FNBP1: variants seen among roughly 807,000 people sequenced by gnomAD.
The protein encoded by FNBP1 is formin-binding protein 1.
In FNBP1, 26 loss-of-function variants were observed where a neutral mutation model predicts 90.6. That is an observed-to-expected ratio of 0.29 (90% confidence interval 0.21 to 0.40). The LOEUF is 0.40. Among genes scored for constraint, FNBP1 ranks in the 10% least tolerant of loss-of-function variants. The pLI, the probability that FNBP1 is intolerant of heterozygous loss-of-function variation, is 1.00. For missense variants in FNBP1, 635 were observed against 768.0 expected, an observed-to-expected ratio of 0.83 and a Z score of 2.05; for synonymous variants, 260 against 265.2, an observed-to-expected ratio of 0.98 and a Z score of 0.19.
At position 130,025,630 on chromosome 9, in the gene FNBP1, A is replaced by G. The variant is rs944389426; in HGVS notation, c.24+17322T>C. Among the ~76,000 whole-genome samples, 4 of 152,232 alleles carry G rather than the reference A, an allele frequency of 2.6e-5. No homozygotes were observed. In the South Asian group the frequency reaches 8.3e-4, roughly 31 times the overall value. ...ATTCAGTCTCGACATGGAATTCAAG[A>G]TATCAATGGAAGGCCGGGCGCAGTG... On this transcript the variant is annotated intron_variant, in intron 1 of 16. Coordinates refer to ENST00000446176, the MANE Select transcript of FNBP1 (RefSeq NM_015033.3).
intron 12 of FNBP1, among the ~76,000 whole-genome samples, chr9:129,903,986 G>A (rs562297919): frequency 4.7e-4 from 71 of 152,220 alleles, no homozygotes; most frequent in African/African-American, 1.5e-3. Flanking sequence ...GCAGTGAGCC[G>A]AGATCACGCC....
At chr9:129,892,366 GACACACACACACACACACACACAC>G (rs3138855) in intron 16 of FNBP1, among the ~76,000 whole-genome samples, 2 of 103,428 alleles carry the variant, frequency 1.9e-5, no homozygotes. Flanking sequence ...GCACATCGTA[GACACACACACACACACACACACAC>G]ACACACACAC....
chr9:130,034,476 CTG>C (rs2059134522), intron 1 of FNBP1, among the ~76,000 whole-genome samples: 1 of 152,100 alleles, frequency 6.6e-6, no homozygotes, highest in Non-Finnish European at 1.5e-5. Flanking sequence ...GAGTGAGACT[CTG>C]TATTCCTCCT....
At chr9:130,034,175 G>C (rs1344758627) in intron 1 of FNBP1, among the ~76,000 whole-genome samples, 2 of 150,332 alleles carry the variant, frequency 1.3e-5, no homozygotes, top group African/African-American at 4.9e-5. Flanking sequence ...CAAAAAATTA[G>C]CCGGGCAAAC....
At chr9:129,991,039 T>G (rs1290562000) in intron 2 of FNBP1, among the ~76,000 whole-genome samples, 1 of 149,896 alleles carries the variant, frequency 6.7e-6, no homozygotes. Context: ...GTTCAAGGGA[T>G]TCTCCTGCCT....
intron 1 of FNBP1, among the ~76,000 whole-genome samples, chr9:130,018,023 C>T (rs1250336462): frequency 6.7e-6 from 1 of 149,262 alleles, no homozygotes; most frequent in African/African-American, 2.5e-5. Flanking sequence ...ATGCCCTTCT[C>T]CTGCCTCAGC....
chr9:129,998,429 G>A (rs1256163064), intron 1 of FNBP1, among the ~76,000 whole-genome samples: 4 of 150,270 alleles, frequency 2.7e-5, no homozygotes, highest in East Asian at 2.0e-4. Flanking sequence ...CAGGAGAATC[G>A]CTCAAGCCCA....
chr9:129,913,097 A>G (rs1203112109), intron 11 of FNBP1, among the ~76,000 whole-genome samples: 5 of 151,950 alleles, frequency 3.3e-5, no homozygotes, highest in Non-Finnish European at 5.9e-5. Context: ...AATCCCAGCT[A>G]CTCGGGAGGC....
intron 8 of FNBP1, 144 bp from the exon 9 acceptor site, chr9:129,925,301 T>G (rs980892997): frequency 1.6e-6 from 1 of 632,850 alleles, no homozygotes; most frequent in Non-Finnish European, 2.8e-6. Flanking sequence ...GGTCAGGAGA[T>G]CAAGACCATC....
In FNBP1 at chr9:129,889,852, A is replaced by C. The variant is rs995854458; in HGVS notation, c.*687T>G. ...CAGGCCACTGAAAACAGGGCGTCAA[A>C]CCAAAATGTGTGTATGCGCACGCGT... is the stretch of plus-strand genomic sequence containing the variant. On this transcript the variant is annotated 3_prime_UTR_variant, in exon 17 of 17. Transcript: ENST00000446176. The C allele has an allele frequency of 2.6e-5, 6 of 233,134 alleles. No homozygotes were observed. The highest frequency in any genetic ancestry group is 5.6e-5 in the Admixed American group (1 of 17,754). The allele number at this position is 233,134 out of a possible 1,614,324, so 14.4% of individuals were successfully genotyped here.
intron 8 of FNBP1, among the ~76,000 whole-genome samples, chr9:129,926,420 A>C (rs978339558): frequency 6.6e-6 from 1 of 152,218 alleles, no homozygotes; most frequent in African/African-American, 2.4e-5. Flanking sequence ...CAACCAGAGA[A>C]GCTTTTGCCC....
intron 15 of FNBP1, among the ~76,000 whole-genome samples, chr9:129,896,564 A>T (rs1338779087): frequency 6.6e-6 from 1 of 151,516 alleles, no homozygotes; most frequent in African/African-American, 2.4e-5. Context: ...TTCTATTTTT[A>T]GTAGAGATGG....
At chr9:130,049,592 T>C in the FNBP1 span, among the ~76,000 whole-genome samples, 2 of 151,712 alleles carry the variant, frequency 1.3e-5, no homozygotes, top group Non-Finnish European at 2.9e-5. Flanking sequence ...GCTTAGCTAC[T>C]TGGGGGCTTG....
chr9:129,947,335 G>T (rs2045454656), intron 6 of FNBP1, among the ~76,000 whole-genome samples: 1 of 151,556 alleles, frequency 6.6e-6, no homozygotes, highest in Non-Finnish European at 1.5e-5. Flanking sequence ...AGCTATTTGG[G>T]AGGCTGAGAA....
intron 16 of FNBP1, chr9:129,895,476 C>G: frequency 8.7e-7 from 1 of 1,147,972 alleles, no homozygotes. Flanking sequence ...CTGCATGATG[C>G]GTGCCGGCTT....
At chr9:129,991,860 C>T (rs560376691) in intron 2 of FNBP1, among the ~76,000 whole-genome samples, 65 of 152,088 alleles carry the variant, frequency 4.3e-4, no homozygotes, top group African/African-American at 1.5e-3. Context: ...GGGGTTTCAC[C>T]GTGTTAGCCA....
rs892120056 is a variant in FNBP1, at chr9:130,042,638, G to T, written c.24+314C>A. On this transcript the variant is annotated intron_variant, in intron 1 of 16. Transcript: ENST00000446176. The surrounding 1 kb of genome is among the most constrained non-coding windows in gnomAD (Gnocchi z 5.5). ...CCGGGCATCCGCGGCTCGCCCCGGGGGATTAGGGCTCGGCCCGACACACAC... is the reference window on the plus strand; with the variant it reads ...CCGGGCATCCGCGGCTCGCCCCGGGTGATTAGGGCTCGGCCCGACACACAC... 2.0e-5 allele frequency among the ~76,000 whole-genome samples: 3 copies of T among 151,620 alleles called. No homozygotes were observed. Among genetic ancestry groups the T allele is most frequent in the African/African-American group, 7.3e-5 (3 of 41,372 alleles).
chr9:130,008,572 A>G (rs1237796833), intron 1 of FNBP1, among the ~76,000 whole-genome samples: 1 of 152,158 alleles, frequency 6.6e-6, no homozygotes, highest in East Asian at 1.9e-4. Flanking sequence ...TGCTCTTTAT[A>G]ATTTAAAAAA....
chr9:129,963,776 G>A (rs184781411), intron 4 of FNBP1, among the ~76,000 whole-genome samples: 1,885 of 151,980 alleles, frequency 0.012, 15 homozygotes, highest in Middle Eastern at 0.02. Flanking sequence ...CACCACGCCC[G>A]GCTAATTTTT....
Sources: allele counts gnomAD v4.1 joint callset (sites outside exome capture counted in the v4.1 genomes callset), GRCh38; gene constraint gnomAD v4.1.1; non-coding constraint Gnocchi (gnomAD v3.1); transcripts MANE v1.5; gene names NCBI Gene and HGNC (gene_info 2026-07-23, HGNC 2026-07-21).